The following ZW10 variants were observed in gnomAD, a reference collection of about 807,000 sequenced individuals.
ZW10 encodes the protein centromere/kinetochore protein zw10 homolog.
ZW10 carries 53 observed loss-of-function variants against 87.8 expected under a neutral mutation model. The observed-to-expected ratio is 0.60, with a 90% CI of 0.48 to 0.76. ZW10 has a LOEUF of 0.76. Among genes scored for constraint, ZW10 ranks in the 30% least tolerant of loss-of-function variants. The probability of loss-of-function intolerance (pLI) is 0.00; values close to 1 mark genes in which losing one functional copy is unlikely to be tolerated. For synonymous variants in ZW10, 312 were observed against 329.2 expected (o/e 0.95, Z 0.57); for missense variants, 837 against 923.0 (o/e 0.91, Z 1.21).
At chr11:113,744,180 G>A (rs1231629416) in intron 9 of ZW10, 140 bp from the exon 10 acceptor site, 7 of 652,262 alleles carry the variant, frequency 1.1e-5, no homozygotes, top group East Asian at 5.6e-5. Flanking sequence ...GAGGTCAGGA[G>A]ATCGAGACCA....
chr11:113,742,642 T>C (rs573944438), intron 10 of ZW10, among the ~76,000 whole-genome samples: 5 of 152,316 alleles, frequency 3.3e-5, no homozygotes, highest in Admixed American at 3.3e-4. Context: ...TGTTTTGTGT[T>C]CCCAAAAAAT....
intron 2 of ZW10, among the ~76,000 whole-genome samples, chr11:113,764,381 T>A (rs1208307387): frequency 6.6e-6 from 1 of 152,192 alleles, no homozygotes; most frequent in Non-Finnish European, 1.5e-5. Context: ...AACAGTTTTT[T>A]CTAATTCTGT....
At chr11:113,764,859 T>C (rs1261516562) in intron 2 of ZW10, among the ~76,000 whole-genome samples, 2 of 152,234 alleles carry the variant, frequency 1.3e-5, no homozygotes, top group African/African-American at 2.4e-5. Flanking sequence ...CTTAGTTCTC[T>C]AGCCCTTCCT....
In ZW10 at chr11:113,755,847, T is replaced by A. The variant is rs575193492; in HGVS notation, c.925+1815A>T. 2.6e-5 allele frequency among the ~76,000 whole-genome samples: 4 copies of A among 152,294 alleles called. No homozygotes were observed. The East Asian group carries it at 7.7e-4, about 29-fold the overall frequency. The stretch of plus-strand genomic sequence containing the variant: ...CAAGACCCTTCACCAACAAAAAGAT[T>A]ATGACTCACTGAAGGCTCAGATGAT... On this transcript the variant is annotated intron_variant, in intron 7 of 15. Transcript: ENST00000200135.
chr11:113,738,861 T>C (rs947933152), intron 12 of ZW10, among the ~76,000 whole-genome samples: 2 of 152,174 alleles, frequency 1.3e-5, no homozygotes, highest in African/African-American at 4.8e-5. Flanking sequence ...GCAAAAGAAC[T>C]AGCACTGACA....
rs563329327 is a variant in ZW10 at position 113,739,506 on chromosome 11, T to C, written c.1584-124A>G. On this transcript the variant is annotated intron_variant, in intron 11 of 15. Transcript: ENST00000200135. ...ATAACTGTCTAGTTTCTAAATGCTA[T>C]ACATAACAAGATACAATCTCATCAC... 27 of 834,730 alleles carry C rather than the reference T, an allele frequency of 3.2e-5. No homozygotes were observed. The African/African-American group carries it at 4.4e-4, about 14-fold the overall frequency. The allele number at this position is 834,730 out of a possible 1,614,324, so 51.7% of individuals were successfully genotyped here. A position where few individuals can be genotyped will look rare whatever the true frequency, so the allele number is the denominator to read the frequency against.
At chr11:113,738,545 TA>T in intron 12 of ZW10, 151 bp from the exon 13 acceptor site, 1 of 698,298 alleles carries the variant, frequency 1.4e-6, no homozygotes, top group Non-Finnish European at 2.2e-6. Flanking sequence ...CTAAAGCTAC[TA>T]GAAACAATCA....
chr11:113,766,315 T>C (rs2134896930), intron 2 of ZW10, among the ~76,000 whole-genome samples: 1 of 151,902 alleles, frequency 6.6e-6, no homozygotes, highest in South Asian at 2.1e-4. Flanking sequence ...CAGTGAGCCT[T>C]GACTGTGCCA....
chr11:113,767,778 T>C (rs1480138833), intron 2 of ZW10, among the ~76,000 whole-genome samples: 2 of 152,192 alleles, frequency 1.3e-5, no homozygotes, highest in Non-Finnish European at 2.9e-5. Context: ...TTGCTTACCT[T>C]TCTAATTTCA....
chr11:113,737,554 G>A lies in ZW10; in HGVS notation c.2016+18C>T. 1 of 1,582,684 alleles carries A rather than the reference G, an allele frequency of 6.3e-7. No homozygotes were observed. Among genetic ancestry groups the A allele is most frequent in the Non-Finnish European group, 8.6e-7 (1 of 1,160,140 alleles). ...TGAATTGCATCTCAAGGCTAGTGTA[G>A]CATCTAATGGCCCTTACCTCTAGGG... On this transcript the variant is annotated intron_variant, in intron 14 of 15. Coordinates refer to ENST00000200135, the MANE Select transcript of ZW10 (RefSeq NM_004724.4).
Position 113,755,441 on chromosome 11 carries a change from T to C in ZW10, c.925+2221A>G, listed in dbSNP as rs532178097. On this transcript the variant is annotated intron_variant, in intron 7 of 15. Coordinates refer to ENST00000200135, the MANE Select transcript of ZW10 (RefSeq NM_004724.4). Reference sequence around the variant, plus strand: ...ATAGAGCCTGAAGATATAACTAAATTGCTGCAATCTCATGATAAAACCCGA... The same window carrying C: ...ATAGAGCCTGAAGATATAACTAAATCGCTGCAATCTCATGATAAAACCCGA... Among the ~76,000 whole-genome samples the C allele has an allele frequency of 7.2e-5, 11 of 152,286 alleles. No homozygotes were observed. In the South Asian group the frequency reaches 2.1e-3, roughly 29 times the overall value.
chr11:113,754,828 A>G lies in ZW10; in HGVS notation c.925+2834T>C, dbSNP rs188851036. Among the ~76,000 whole-genome samples the G allele has an allele frequency of 2.3e-3, 354 of 152,132 alleles. 1 individual carries two copies. Among genetic ancestry groups the G allele is most frequent in the African/African-American group, 8.3e-3 (346 of 41,518 alleles). ...GGCCAGGTATCACTATGTTACCCAT[A>G]GCAATACCCAGGCAGGTATCGCTAT... On this transcript the variant is annotated intron_variant, in intron 7 of 15. Coordinates refer to ENST00000200135, the MANE Select transcript of ZW10 (RefSeq NM_004724.4).
At position 113,760,865 on chromosome 11, in the gene ZW10, C is replaced by T. The variant is rs1351252556; in HGVS notation, c.294G>A (p.Gln98=). The part of the protein sequence containing the change: ...STGEFTDLKQ[Q]LERDSVVLSL... ...TTAGGACAACTGAGTCTCTTTCCAA[C>T]TGCTGCTTTAAGTCTGTAAATTCAC... The change falls in exon 3 of 16, where the codon CAG becomes CAA. Residue 98 remains glutamine (Q), a synonymous_variant. Transcript: ENST00000200135. 33 of 1,614,046 alleles carry T rather than the reference C, an allele frequency of 2.0e-5. No individual in the cohort carries two copies. The highest frequency in any genetic ancestry group is 2.6e-5 in the Non-Finnish European group (31 of 1,180,040).
At chr11:113,739,481 A>C in intron 11 of ZW10, 99 bp from the exon 12 acceptor site, 4 of 1,079,658 alleles carry the variant, frequency 3.7e-6, no homozygotes, top group Non-Finnish European at 5.3e-6. Flanking sequence ...CTAGGCTTTA[A>C]TAACTGTCTA....
intron 1 of ZW10, chr11:113,769,846 C>T: frequency 2.8e-6 from 1 of 359,880 alleles, no homozygotes; most frequent in Non-Finnish European, 5.4e-6. Context: ...AGTTCCAGAG[C>T]TGCAGAAGTT....
intron 7 of ZW10, chr11:113,751,213 G>A (rs375061110): frequency 3.4e-4 from 97 of 286,780 alleles, no homozygotes; most frequent in African/African-American, 1.9e-3. Context: ...ATGCTGGCTT[G>A]AGCAGACACG....
intron 7 of ZW10, chr11:113,751,107 G>C (rs1344463025): frequency 4.8e-6 from 1 of 207,372 alleles, no homozygotes; most frequent in Non-Finnish European, 1.0e-5. Context: ...TCCTTTCAAG[G>C]AAGATCACTT....
chr11:113,734,151 A>C (rs1290386871), intron 15 of ZW10, among the ~76,000 whole-genome samples: 1 of 152,234 alleles, frequency 6.6e-6, no homozygotes, highest in African/African-American at 2.4e-5. Context: ...AACCACAGGC[A>C]ACCAATTTTA....
rs180875702 is a variant in ZW10 at position 113,741,433 on chromosome 11, C to T, written c.1583+261G>A. Among the ~76,000 whole-genome samples the T allele has an allele frequency of 8.7e-4, 132 of 152,306 alleles. 2 individuals carry two copies. The highest frequency in any genetic ancestry group is 8.4e-3 in the Admixed American group (129 of 15,296). ...TTAAGTAAAGGCAGTTCTGAAAATG[C>T]TTAGCAGCAAAACAAGGTAGTTCTT... On this transcript the variant is annotated intron_variant, in intron 11 of 15. Coordinates refer to ENST00000200135, the MANE Select transcript of ZW10 (RefSeq NM_004724.4).
Sources: gnomAD v4.1 joint callset for allele counts (sites outside exome capture counted in the v4.1 genomes callset) on GRCh38, gnomAD v4.1.1 for gene constraint, MANE v1.5 for transcripts, NCBI Gene and HGNC (gene_info 2026-07-23, HGNC 2026-07-21) for gene names.